WWOX: variants seen among roughly 807,000 people sequenced by gnomAD.
WWOX encodes the protein WW domain containing oxidoreductase.
A neutral mutation model predicts 46.2 loss-of-function variants in WWOX; 69 were observed. The ratio of observed to expected loss-of-function variants is 1.49; its 90% CI spans 1.23 to 1.82. The LOEUF (loss-of-function observed/expected upper bound fraction) is 1.82. Among genes scored for constraint, WWOX ranks in the 40% most tolerant of loss-of-function variants. The probability of loss-of-function intolerance (pLI) is 0.00; values close to 1 mark genes in which losing one functional copy is unlikely to be tolerated. For missense variants in WWOX, 919 were observed against 542.6 expected (o/e 1.69, Z -6.89); for synonymous variants, 359 against 202.6 (o/e 1.77, Z -6.56).
In WWOX at chr16:78,731,559, CTTTATTTCCTCG is replaced by C. The variant is rs542905882; in HGVS notation, c.1056+298815_1056+298826del. Among the ~76,000 whole-genome samples the C allele has an allele frequency of 5.3e-4, 80 of 152,192 alleles. 1 individual carries two copies. In the South Asian group the frequency reaches 0.017, roughly 32 times the overall value. ...TTCTTATCTATCCCTTTCTTACCTTCTTTATTTCCTCGTTTATTTGGGCTTTTTCGGTTGTGA... is the reference window on the plus strand; with the variant it reads ...TTCTTATCTATCCCTTTCTTACCTTCTTTATTTGGGCTTTTTCGGTTGTGA... On this transcript the variant is annotated intron_variant, in intron 8 of 8. Transcript: ENST00000566780.
chr16:78,739,514 T>C (rs1597523367), intron 8 of WWOX, among the ~76,000 whole-genome samples: 1 of 152,004 alleles, frequency 6.6e-6, no homozygotes, highest in East Asian at 1.9e-4. Context: ...CTGGGCTGAG[T>C]GTAAAGAAAT....
chr16:78,912,410 G>C (rs1223847733), intron 8 of WWOX, among the ~76,000 whole-genome samples: 2 of 151,996 alleles, frequency 1.3e-5, no homozygotes, highest in East Asian at 3.9e-4. Flanking sequence ...AACTTGCCCA[G>C]GGTCACACAA....
rs71137889 is a variant in WWOX at position 78,345,458 on chromosome 16, CAAAAAAAAAAA to C, written c.517-41376_517-41366del. ...CACCATGGCAAAACCCCATCGCTACCAAAAAAAAAAAAAAAAAAAAAAAAAAAAAAAAAAAA... is the reference window on the plus strand; with the variant it reads ...CACCATGGCAAAACCCCATCGCTACCAAAAAAAAAAAAAAAAAAAAAAAAA... On this transcript the variant is annotated intron_variant, in intron 5 of 8. Coordinates refer to ENST00000566780, the MANE Select transcript of WWOX (RefSeq NM_016373.4). Among the ~76,000 whole-genome samples, 7 of 26,780 alleles carry C rather than the reference CAAAAAAAAAAA, an allele frequency of 2.6e-4. 1 individual carries two copies. Among genetic ancestry groups the C allele is most frequent in the Admixed American group, 4.9e-4 (1 of 2,030 alleles). 17.6% of individuals were successfully genotyped at this position (26,780 alleles called of 152,430 possible).
chr16:78,815,015 C>T (rs1469279861), intron 8 of WWOX, among the ~76,000 whole-genome samples: 1 of 152,122 alleles, frequency 6.6e-6, no homozygotes, highest in Admixed American at 6.6e-5. Flanking sequence ...GTCACTTCAC[C>T]ACCTTCCTCT....
At chr16:78,566,936 C>A (rs927632362) in intron 8 of WWOX, among the ~76,000 whole-genome samples, 1 of 152,152 alleles carries the variant, frequency 6.6e-6, no homozygotes, top group Non-Finnish European at 1.5e-5. Flanking sequence ...GTATCGATAG[C>A]AATCATAGTA....
chr16:78,991,592 C>G (rs1162806397), intron 8 of WWOX, among the ~76,000 whole-genome samples: 1 of 46,648 alleles, frequency 2.1e-5, no homozygotes, highest in African/African-American at 7.4e-5. Context: ...CACAGCAAGA[C>G]CTTGTCTCAA....
At chr16:78,697,596 T>C (rs1372666804) in intron 8 of WWOX, among the ~76,000 whole-genome samples, 2 of 152,078 alleles carry the variant, frequency 1.3e-5, no homozygotes, top group African/African-American at 4.8e-5. Context: ...GCTAAGGACA[T>C]GAATAGACAG....
intron 8 of WWOX, among the ~76,000 whole-genome samples, chr16:79,059,374 A>C (rs2048320123): frequency 6.6e-6 from 1 of 152,244 alleles, no homozygotes. Context: ...TTTAACAATC[A>C]GCTCACCAAT....
At chr16:79,084,744 A>G (rs1010352685) in intron 8 of WWOX, among the ~76,000 whole-genome samples, 1 of 151,796 alleles carries the variant, frequency 6.6e-6, no homozygotes, top group Admixed American at 6.6e-5. Context: ...ATTTCTTTTA[A>G]TCCTCACAGT....
chr16:78,732,338 C>G (rs1406834195), intron 8 of WWOX, among the ~76,000 whole-genome samples: 2 of 152,090 alleles, frequency 1.3e-5, no homozygotes, highest in South Asian at 4.2e-4. Flanking sequence ...TGAGGAAACT[C>G]AATCTAGCGT....
chr16:79,186,363 T>G (rs2051014995), intron 8 of WWOX, among the ~76,000 whole-genome samples: 1 of 152,198 alleles, frequency 6.6e-6, no homozygotes. Flanking sequence ...CTCTCCTTGC[T>G]CCTCTCGCTT....
chr16:79,209,343 G>A (rs16949947), intron 8 of WWOX, among the ~76,000 whole-genome samples: 4 of 152,080 alleles, frequency 2.6e-5, no homozygotes, highest in Admixed American at 2.6e-4. Context: ...GTGCAACGTG[G>A]TATCATTACA....
intron 8 of WWOX, among the ~76,000 whole-genome samples, chr16:79,209,412 C>A (rs573728240): frequency 6.6e-6 from 1 of 152,200 alleles, no homozygotes; most frequent in Non-Finnish European, 1.5e-5. Context: ...TTTTGCTTTC[C>A]CAAACGGACT....
chr16:79,050,326 T>C (rs2048143007), intron 8 of WWOX, among the ~76,000 whole-genome samples: 1 of 152,164 alleles, frequency 6.6e-6, no homozygotes, highest in Admixed American at 6.5e-5. Context: ...TGGGGCACTT[T>C]AGCTGGGGTG....
intron 8 of WWOX, among the ~76,000 whole-genome samples, chr16:78,886,278 T>C (rs984422378): frequency 6.6e-6 from 1 of 151,854 alleles, no homozygotes; most frequent in Non-Finnish European, 1.5e-5. Context: ...TTTGGTATTT[T>C]TTCTTTAAAA....
chr16:78,858,173 T>C (rs2052612825), intron 8 of WWOX, among the ~76,000 whole-genome samples: 2 of 152,002 alleles, frequency 1.3e-5, no homozygotes, highest in South Asian at 2.1e-4. Flanking sequence ...TGTGTGTGTA[T>C]AAATTGGCTG....
chr16:78,884,642 A>C (rs1216337800), intron 8 of WWOX, among the ~76,000 whole-genome samples: 1 of 152,228 alleles, frequency 6.6e-6, no homozygotes, highest in Non-Finnish European at 1.5e-5. Flanking sequence ...ACTAAAAAGC[A>C]AACTATTCCT....
At chr16:78,431,691 C>CTTT (rs200599534) in intron 7 of WWOX, among the ~76,000 whole-genome samples, 11,889 of 143,508 alleles carry the variant, frequency 0.083, 558 homozygotes, top group African/African-American at 0.11. Flanking sequence ...GTAGCCAATC[C>CTTT]TTTTTTTTTT....
chr16:78,201,952 C>G (rs575643234), intron 5 of WWOX, among the ~76,000 whole-genome samples: 1 of 152,054 alleles, frequency 6.6e-6, no homozygotes, highest in East Asian at 1.9e-4. Context: ...CCACCCGCCT[C>G]GGCCTCCCAA....
Sources: allele counts gnomAD v4.1 joint callset (sites outside exome capture counted in the v4.1 genomes callset), GRCh38; gene constraint gnomAD v4.1.1; transcripts MANE v1.5; gene names NCBI Gene and HGNC (gene_info 2026-07-23, HGNC 2026-07-21).